The following ZNF326 variants were observed in gnomAD, a reference collection of about 807,000 sequenced individuals.
ZNF326 encodes DBIRD complex subunit ZNF326.
In ZNF326, 30 loss-of-function variants were observed where a neutral mutation model predicts 63.1. The observed-to-expected ratio is 0.48, with a 90% CI of 0.36 to 0.64. The LOEUF is 0.64. ZNF326 is among the 30% of genes least tolerant of loss of function. ZNF326 has a pLI of 0.00. For synonymous variants in ZNF326, 194 were observed against 228.2 expected (o/e 0.85, Z 1.35); for missense variants, 609 against 720.3 (o/e 0.85, Z 1.77).
At chr1:90,006,982 C>G (rs1015280436) in intron 4 of ZNF326, among the ~76,000 whole-genome samples, 3 of 152,080 alleles carry the variant, frequency 2.0e-5, no homozygotes, top group Admixed American at 6.6e-5. Context: ...GGGATAGATT[C>G]AAAAAAGTTT....
chr1:90,035,413 TC>T lies in ZNF326; in HGVS notation c.*7715del, dbSNP rs1489511338. 1 of 152,074 alleles carries T rather than the reference TC, an allele frequency of 6.6e-6. No homozygotes were observed. Among genetic ancestry groups the T allele is most frequent in the Non-Finnish European group, 1.5e-5 (1 of 68,026 alleles). The allele number at this position is 152,074 out of a possible 1,614,324, so 9.4% of individuals were successfully genotyped here. A position where few individuals can be genotyped will look rare whatever the true frequency, so the allele number is the denominator to read the frequency against. The stretch of plus-strand genomic sequence containing the variant: ...GCCAATTGGAAATGTAATTTGAAAA[TC>T]CCATTTGCAGCAAAACTTGGAACTG... On this transcript the variant is annotated 3_prime_UTR_variant, in exon 12 of 12. Transcript: ENST00000340281.
intron 5 of ZNF326, among the ~76,000 whole-genome samples, chr1:90,008,611 A>G (rs747008195): frequency 1.6e-4 from 25 of 152,176 alleles, no homozygotes; most frequent in Non-Finnish European, 3.4e-4. Context: ...TAGTTTGATC[A>G]TTTAAAGAGT....
rs898025405 is a variant in ZNF326 at position 90,033,468 on chromosome 1, A to G, written c.*5767A>G. 6 of 152,208 alleles carry G rather than the reference A, an allele frequency of 3.9e-5. No individual in the cohort carries two copies. Among genetic ancestry groups the G allele is most frequent in the African/African-American group, 9.6e-5 (4 of 41,460 alleles). 9.4% of individuals were successfully genotyped at this position (152,208 alleles called of 1,614,324 possible). ...TTACTACTACTTATAATAGTTTCAT[A>G]TGTAATCCTCATCATATTATATGTC... On this transcript the variant is annotated 3_prime_UTR_variant, in exon 12 of 12. Transcript: ENST00000340281.
chr1:90,007,203 T>C lies in ZNF326; in HGVS notation c.210-142T>C, dbSNP rs1190513867. On this transcript the variant is annotated intron_variant, in intron 4 of 11. Coordinates refer to ENST00000340281, the MANE Select transcript of ZNF326 (RefSeq NM_182976.4). This position sits in a 1 kb window ranked among gnomAD's most constrained non-coding sequence, Gnocchi z 4.9. ...GTTGAACTGCCCAGCCCTAATCAAA[T>C]GTGAACAAAAGTAGAACTGTGCAAA... The C allele has an allele frequency of 1.3e-6, 1 of 777,852 alleles. No homozygotes were observed. Among genetic ancestry groups the C allele is most frequent in the African/African-American group, 1.8e-5 (1 of 57,136 alleles). The allele number at this position is 777,852 out of a possible 1,614,324, so 48.2% of individuals were successfully genotyped here.
chr1:90,024,978 C>CTT (rs1570322375), intron 11 of ZNF326, among the ~76,000 whole-genome samples: 7 of 102,220 alleles, frequency 6.8e-5, no homozygotes, highest in East Asian at 7.9e-4. Flanking sequence ...GATTTTTTTC[C>CTT]TGTTTTTTTT....
At chr1:90,002,314 A>G (rs1014355694) in intron 2 of ZNF326, among the ~76,000 whole-genome samples, 5 of 152,196 alleles carry the variant, frequency 3.3e-5, no homozygotes, top group Admixed American at 6.5e-5. Context: ...TGTACAATAA[A>G]TGTTAATAAT....
chr1:90,015,223 T>G (rs961306461), intron 7 of ZNF326, among the ~76,000 whole-genome samples: 2 of 152,228 alleles, frequency 1.3e-5, no homozygotes, highest in African/African-American at 4.8e-5. Context: ...CCCTTGGATA[T>G]TTGAATGCTT....
intron 7 of ZNF326, among the ~76,000 whole-genome samples, chr1:90,014,737 A>G (rs1649418845): frequency 6.6e-6 from 1 of 152,204 alleles, no homozygotes; most frequent in African/African-American, 2.4e-5. Flanking sequence ...TTCAAGAACT[A>G]CTGCTATTTT....
At chr1:89,998,216 G>C in intron 2 of ZNF326, 62 bp downstream of exon 2, 6 of 1,526,180 alleles carry the variant, frequency 3.9e-6, no homozygotes, top group Non-Finnish European at 4.5e-6. Context: ...AATGTAAAAG[G>C]CCAGTTCTAC....
In ZNF326 at chr1:90,031,853, T is replaced by C. The variant is rs1650290361; in HGVS notation, c.*4152T>C. On this transcript the variant is annotated 3_prime_UTR_variant, in exon 12 of 12. Transcript: ENST00000340281. ...GGGATTATAGGCATGAGCCACCGCG[T>C]CTGGCATACAAACTTTTGATTACAG... 6.6e-6 allele frequency: 1 copy of C among 152,248 alleles called. No individual in the cohort carries two copies. Among genetic ancestry groups the C allele is most frequent in the African/African-American group, 2.4e-5 (1 of 41,436 alleles). The allele number at this position is 152,248 out of a possible 1,614,324, so 9.4% of individuals were successfully genotyped here.
rs1570326604 is a variant in ZNF326, at chr1:90,027,873, G to A, written c.*172G>A. 6.4e-6 allele frequency: 4 copies of A among 627,364 alleles called. No individual in the cohort carries two copies. Among genetic ancestry groups the A allele is most frequent in the Non-Finnish European group, 1.1e-5 (4 of 374,214 alleles). 38.9% of individuals were successfully genotyped at this position (627,364 alleles called of 1,614,324 possible). ...TTAACATTTGTTTAATAAAATGAAG[G>A]CAAAACTATTTTAGTTTAGTTTTTA... On this transcript the variant is annotated 3_prime_UTR_variant, in exon 12 of 12. Coordinates refer to ENST00000340281, the MANE Select transcript of ZNF326 (RefSeq NM_182976.4).
chr1:90,017,563 A>T, intron 8 of ZNF326, 99 bp downstream of exon 8: 1 of 1,134,424 alleles, frequency 8.8e-7, no homozygotes. Flanking sequence ...TGTTTCTAAA[A>T]TTTTAATTTA....
Position 90,010,137 on chromosome 1 carries a change from A to C in ZNF326, c.665A>C (p.Tyr222Ser). ...CATAGACCCGGAATTGTTGTTGACT[A>C]TCAAAACAAATCCACCAATGTGACA... ...SIHRPGIVVD[Y>S]QNKSTNVTVA... is the part of the protein sequence containing the mutation. Residue 222 changes from tyrosine (Y) to serine (S), a missense_variant, in exon 6 of 12, where the codon TAT (tyrosine) becomes TCT (serine). Transcript: ENST00000340281. The C allele has an allele frequency of 6.2e-7, 1 of 1,613,854 alleles. No individual in the cohort carries two copies. The highest frequency in any genetic ancestry group is 8.5e-7 in the Non-Finnish European group (1 of 1,179,820).
intron 1 of ZNF326, among the ~76,000 whole-genome samples, chr1:89,997,825 T>G (rs568261650): frequency 1.3e-5 from 2 of 152,226 alleles, no homozygotes; most frequent in Non-Finnish European, 1.5e-5. Flanking sequence ...TACAAATCAG[T>G]GCTGAATCCC....
At chr1:90,005,480 G>T in intron 4 of ZNF326, 1 of 1,172,916 alleles carries the variant, frequency 8.5e-7, no homozygotes. Context: ...AATAGAGTAA[G>T]ATACACTTTT....
intron 7 of ZNF326, among the ~76,000 whole-genome samples, chr1:90,014,224 T>C (rs115522530): frequency 0.019 from 2,820 of 152,196 alleles, 46 homozygotes; most frequent in African/African-American, 0.041. Flanking sequence ...GCTTAAAAGT[T>C]ATAGAATAAA....
At chr1:90,021,633 A>G (rs1649778571) in intron 10 of ZNF326, among the ~76,000 whole-genome samples, 1 of 152,126 alleles carries the variant, frequency 6.6e-6, no homozygotes, top group Non-Finnish European at 1.5e-5. Context: ...AGTTTGTTTG[A>G]AAAGCATATT....
chr1:89,995,357 G>A lies in ZNF326; in HGVS notation c.16+84G>A, dbSNP rs934484339. The A allele has an allele frequency of 2.7e-6, 4 of 1,477,266 alleles. No individual in the cohort carries two copies. The African/African-American group carries it at 5.9e-5, about 22-fold the overall frequency. The allele number at this position is 1,477,266 out of a possible 1,614,324, so 91.5% of individuals were successfully genotyped here. A position where few individuals can be genotyped will look rare whatever the true frequency, so the allele number is the denominator to read the frequency against. ...GGGGTCTGTTTACCGTCTCAAGATG[G>A]CCGTGTGGGCTTTGTTCTGCGGGCC... On this transcript the variant is annotated intron_variant, in intron 1 of 11. Coordinates refer to ENST00000340281, the MANE Select transcript of ZNF326 (RefSeq NM_182976.4).
chr1:90,014,042 G>A (rs1250441018), intron 7 of ZNF326, among the ~76,000 whole-genome samples: 1 of 151,202 alleles, frequency 6.6e-6, no homozygotes, highest in Non-Finnish European at 1.5e-5. Context: ...TCCAGCCTGG[G>A]CAACAGAGCG....
Sources: allele counts gnomAD v4.1 joint callset (sites outside exome capture counted in the v4.1 genomes callset), GRCh38; gene constraint gnomAD v4.1.1; non-coding constraint Gnocchi (gnomAD v3.1); transcripts MANE v1.5; gene names NCBI Gene and HGNC (gene_info 2026-07-23, HGNC 2026-07-21).